Variants in NIBAN1 observed in about 807,000 individuals in gnomAD.
NIBAN1 encodes niban apoptosis regulator 1, also known as protein Niban 1.
In NIBAN1, 81 loss-of-function variants were observed where a neutral mutation model predicts 75.1. The ratio of observed to expected loss-of-function variants is 1.08; its 90% CI spans 0.90 to 1.30. The LOEUF (loss-of-function observed/expected upper bound fraction) is 1.30. Ranked by LOEUF, NIBAN1 falls within the 50% of genes most tolerant of loss-of-function variation. The pLI, the probability that NIBAN1 is intolerant of heterozygous loss-of-function variation, is 0.00. For synonymous variants in NIBAN1, 436 were observed against 424.8 expected, an observed-to-expected ratio of 1.03 and a Z score of -0.32; for missense variants, 1,133 against 1,128.1, an observed-to-expected ratio of 1.00 and a Z score of -0.06.
At chr1:184,832,738 A>G (rs1655032273) in intron 5 of NIBAN1, among the ~76,000 whole-genome samples, 1 of 152,198 alleles carries the variant, frequency 6.6e-6, no homozygotes, top group Non-Finnish European at 1.5e-5. Context: ...AAATGGTGTC[A>G]TATCTGAGAG....
intron 1 of NIBAN1, among the ~76,000 whole-genome samples, chr1:184,913,768 G>C (rs999073005): frequency 1.3e-5 from 2 of 152,156 alleles, no homozygotes; most frequent in Non-Finnish European, 2.9e-5. Context: ...CTAGACATAA[G>C]AGCAACTGTT....
intron 1 of NIBAN1, among the ~76,000 whole-genome samples, chr1:184,942,599 CAGG>C (rs1352530710): frequency 1.3e-5 from 2 of 148,768 alleles, no homozygotes; most frequent in African/African-American, 5.0e-5. Flanking sequence ...GAGGCTGAGG[CAGG>C]AGAATGGCGT....
intron 5 of NIBAN1, among the ~76,000 whole-genome samples, chr1:184,844,564 A>T (rs560481483): frequency 6.6e-6 from 1 of 152,362 alleles, no homozygotes; most frequent in Admixed American, 6.5e-5. Flanking sequence ...AGTTTATGTC[A>T]TTGCCCAAGG....
chr1:184,922,518 C>A (rs573675251), intron 1 of NIBAN1, among the ~76,000 whole-genome samples: 35 of 152,294 alleles, frequency 2.3e-4, no homozygotes, highest in Non-Finnish European at 4.0e-4. Context: ...GGCACCTTTT[C>A]ATGTACCTGT....
intron 1 of NIBAN1, among the ~76,000 whole-genome samples, chr1:184,961,817 C>A (rs920733956): frequency 6.6e-6 from 1 of 152,230 alleles, no homozygotes; most frequent in Admixed American, 6.5e-5. Context: ...CTTCTTTGCT[C>A]TTATAAGGAG....
chr1:184,949,677 T>C (rs1323688371), intron 1 of NIBAN1, among the ~76,000 whole-genome samples: 2 of 152,168 alleles, frequency 1.3e-5, no homozygotes, highest in African/African-American at 2.4e-5. Context: ...GAGTAAGAGA[T>C]AGCACACTGC....
In NIBAN1 at chr1:184,875,208, C is replaced by T. The variant is rs561387300; in HGVS notation, c.601+9425G>A. ...GCTTGTATTAGAGCAGAAAAATGGC[C>T]GATGACTAATGAGTATATTAGCTTT... On this transcript the variant is annotated intron_variant, in intron 5 of 13. Coordinates refer to ENST00000367511, the MANE Select transcript of NIBAN1 (RefSeq NM_052966.4). 2.6e-5 allele frequency among the ~76,000 whole-genome samples: 4 copies of T among 152,170 alleles called. No homozygotes were observed. In the East Asian group the frequency reaches 5.8e-4, roughly 22 times the overall value.
intron 1 of NIBAN1, among the ~76,000 whole-genome samples, chr1:184,954,654 G>A (rs1195588938): frequency 2.6e-5 from 4 of 152,162 alleles, no homozygotes; most frequent in Non-Finnish European, 5.9e-5. Context: ...TCATTTTCGG[G>A]ATGCTTATGT....
intron 6 of NIBAN1, among the ~76,000 whole-genome samples, chr1:184,831,074 G>A (rs1654987404): frequency 6.6e-6 from 1 of 151,856 alleles, no homozygotes; most frequent in African/African-American, 2.4e-5. Flanking sequence ...CCTCTTCTTG[G>A]GTGAAGCAGC....
At chr1:184,832,930 G>A (rs1195753052) in intron 5 of NIBAN1, among the ~76,000 whole-genome samples, 2 of 152,050 alleles carry the variant, frequency 1.3e-5, no homozygotes, top group Admixed American at 1.3e-4. Flanking sequence ...AAATCTTCAT[G>A]AGGAAATGAA....
chr1:184,798,221 G>T, intron 12 of NIBAN1, 31 bp from the exon 13 acceptor site: 1 of 1,422,984 alleles, frequency 7.0e-7, no homozygotes, highest in South Asian at 1.2e-5. Flanking sequence ...AGATAAAGAT[G>T]AAAAGGCATG....
Position 184,903,733 on chromosome 1 carries a change from C to CTTTT in NIBAN1, c.56-4428_56-4425dup, listed in dbSNP as rs368105582. Among the ~76,000 whole-genome samples, 386 of 99,894 alleles carry CTTTT rather than the reference C, an allele frequency of 3.9e-3. 4 individuals are homozygous for CTTTT. The highest frequency in any genetic ancestry group is 8.5e-3 in the East Asian group (24 of 2,822). The allele number at this position is 99,894 out of a possible 152,430, so 65.5% of individuals were successfully genotyped here. A position where few individuals can be genotyped will look rare whatever the true frequency, so the allele number is the denominator to read the frequency against. On this transcript the variant is annotated intron_variant, in intron 1 of 13. Coordinates refer to ENST00000367511, the MANE Select transcript of NIBAN1 (RefSeq NM_052966.4). ...ACCAAGAACCATGAGCCGATTAAACCTTTTTTTTTTTTTTTTTTTTTTGAG... is the reference window on the plus strand; with the variant it reads ...ACCAAGAACCATGAGCCGATTAAACCTTTTTTTTTTTTTTTTTTTTTTTTTTGAG...
intron 1 of NIBAN1, among the ~76,000 whole-genome samples, chr1:184,957,443 A>G (rs1327290675): frequency 6.6e-6 from 1 of 152,220 alleles, no homozygotes; most frequent in Non-Finnish European, 1.5e-5. Flanking sequence ...GAGTGTCCCA[A>G]CACATTATAA....
intron 1 of NIBAN1, among the ~76,000 whole-genome samples, chr1:184,913,140 T>TATATATATATATATG (rs34503012): frequency 1.6e-4 from 21 of 130,540 alleles, no homozygotes; most frequent in African/African-American, 4.5e-4. Context: ...CATGCAGGTA[T>TATATATATATATATG]ATATATATAT....
At chr1:184,919,145 T>C (rs1657466202) in intron 1 of NIBAN1, among the ~76,000 whole-genome samples, 1 of 152,162 alleles carries the variant, frequency 6.6e-6, no homozygotes, top group Non-Finnish European at 1.5e-5. Context: ...CCTAAAGTAA[T>C]ATGTTTAGCT....
At chr1:184,972,672 T>C (rs963899249) in intron 1 of NIBAN1, among the ~76,000 whole-genome samples, 1 of 152,238 alleles carries the variant, frequency 6.6e-6, no homozygotes, top group Non-Finnish European at 1.5e-5. Flanking sequence ...ACACTTGCAT[T>C]ACAAGTTCTT....
chr1:184,822,609 C>T (rs1654732826), intron 8 of NIBAN1, among the ~76,000 whole-genome samples: 1 of 152,152 alleles, frequency 6.6e-6, no homozygotes, highest in Admixed American at 6.5e-5. Flanking sequence ...AGTGACCTCC[C>T]CAATTATGCA....
chr1:184,951,776 T>A (rs234093), intron 1 of NIBAN1, among the ~76,000 whole-genome samples: 6 of 152,020 alleles, frequency 3.9e-5, no homozygotes, highest in South Asian at 4.2e-4. Context: ...TCCCCATGGC[T>A]TCTCTTCTTA....
At chr1:184,823,074 A>G in intron 8 of NIBAN1, 93 bp downstream of exon 8, 2 of 1,440,882 alleles carry the variant, frequency 1.4e-6, no homozygotes, top group Non-Finnish European at 1.9e-6. Flanking sequence ...CTTAAGTGTA[A>G]TTATCCTCTG....
Sources: allele counts gnomAD v4.1 joint callset (sites outside exome capture counted in the v4.1 genomes callset), GRCh38; gene constraint gnomAD v4.1.1; transcripts MANE v1.5; gene names NCBI Gene and HGNC (gene_info 2026-07-23, HGNC 2026-07-21).